Variants in FAM110B observed in about 807,000 individuals in gnomAD.
The protein encoded by FAM110B is protein FAM110B.
A neutral mutation model predicts 20.4 loss-of-function variants in FAM110B; 6 were observed. The ratio of observed to expected loss-of-function variants is 0.29; its 90% CI spans 0.16 to 0.58. The LOEUF (loss-of-function observed/expected upper bound fraction) is 0.58, where lower values mean the gene tolerates loss of function less well. FAM110B is among the 20% of genes least tolerant of loss of function. The pLI, the probability that FAM110B is intolerant of heterozygous loss-of-function variation, is 0.90. For missense variants in FAM110B, 434 were observed against 498.2 expected (o/e 0.87, Z 1.23); for synonymous variants, 226 against 214.1 (o/e 1.06, Z -0.49).
rs898290192 is a variant in FAM110B at position 57,997,346 on chromosome 8, C to T, written c.-512+2540C>T. 2.2e-4 allele frequency among the ~76,000 whole-genome samples: 33 copies of T among 152,192 alleles called. 1 individual carries two copies. Among genetic ancestry groups the T allele is most frequent in the Non-Finnish European group, 5.9e-5 (4 of 68,036 alleles). ...ACTTTATATGTTCAACATTTGTAGA[C>T]TATTGGCCATTTTTCTGTCTGAAAG... On this transcript the variant is annotated intron_variant, in intron 1 of 3. Coordinates refer to ENST00000519262, the MANE Select transcript of FAM110B (RefSeq NM_001377989.1).
chr8:58,026,437 G>T (rs1804857458), intron 1 of FAM110B, among the ~76,000 whole-genome samples: 1 of 151,816 alleles, frequency 6.6e-6, no homozygotes, highest in African/African-American at 2.4e-5. Context: ...TTATTATTTT[G>T]ATCTGCACTT....
At chr8:58,115,888 A>C (rs1807197099) in intron 3 of FAM110B, among the ~76,000 whole-genome samples, 1 of 152,218 alleles carries the variant, frequency 6.6e-6, no homozygotes, top group Non-Finnish European at 1.5e-5. Context: ...AGTGATGATA[A>C]TCTGGGATTT....
chr8:58,077,206 G>C (rs776900850), intron 3 of FAM110B: 18 of 152,168 alleles, frequency 1.2e-4, no homozygotes, highest in Non-Finnish European at 2.1e-4. Flanking sequence ...CAGCACTTGC[G>C]GAGCTGAGGT....
chr8:58,141,484 C>A (rs764066645), intron 3 of FAM110B, among the ~76,000 whole-genome samples: 17 of 152,154 alleles, frequency 1.1e-4, no homozygotes, highest in Non-Finnish European at 2.9e-5. Context: ...TCTTTCAATA[C>A]CCCCCTTTTC....
chr8:58,145,349 T>C, intron 3 of FAM110B, among the ~76,000 whole-genome samples: 1 of 151,956 alleles, frequency 6.6e-6, no homozygotes, highest in Non-Finnish European at 1.5e-5. Context: ...GTAGCTTTGC[T>C]GCCAATCCCA....
At chr8:58,003,074 A>C (rs1182135219) in intron 1 of FAM110B, among the ~76,000 whole-genome samples, 1 of 152,222 alleles carries the variant, frequency 6.6e-6, no homozygotes, top group East Asian at 1.9e-4. Flanking sequence ...CAACTAAGTT[A>C]TGTAATATTC....
chr8:58,025,748 A>G (rs1804842961), intron 1 of FAM110B, among the ~76,000 whole-genome samples: 1 of 152,166 alleles, frequency 6.6e-6, no homozygotes, highest in African/African-American at 2.4e-5. Flanking sequence ...GTCCATTCAG[A>G]TTTGAGATTG....
At chr8:58,079,810 T>G (rs1394531214) in intron 3 of FAM110B, among the ~76,000 whole-genome samples, 1 of 152,110 alleles carries the variant, frequency 6.6e-6, no homozygotes, top group African/African-American at 2.4e-5. Context: ...TTTGACATAT[T>G]AAAATTTTTT....
intron 1 of FAM110B, among the ~76,000 whole-genome samples, chr8:58,018,529 TTAGA>T (rs1207402099): frequency 2.0e-5 from 3 of 152,122 alleles, no homozygotes; most frequent in Admixed American, 6.6e-5. Context: ...TAGTGTACAG[TTAGA>T]TAGTGCTTTT....
intron 1 of FAM110B, among the ~76,000 whole-genome samples, chr8:58,025,789 T>C (rs924744781): frequency 6.6e-6 from 1 of 152,234 alleles, no homozygotes; most frequent in Non-Finnish European, 1.5e-5. Flanking sequence ...TATCATGAGC[T>C]GTATAACCTC....
intron 3 of FAM110B, among the ~76,000 whole-genome samples, chr8:58,101,260 A>G (rs908173009): frequency 6.6e-6 from 1 of 152,150 alleles, no homozygotes; most frequent in Non-Finnish European, 1.5e-5. Context: ...TGTAATTTTG[A>G]TCTTGTGTTT....
At chr8:58,133,706 C>T (rs1803543590) in intron 3 of FAM110B, among the ~76,000 whole-genome samples, 2 of 147,734 alleles carry the variant, frequency 1.4e-5, no homozygotes, top group Non-Finnish European at 3.0e-5. Context: ...ATAGAGGGGA[C>T]AGAGCCTGTG....
intron 3 of FAM110B, among the ~76,000 whole-genome samples, chr8:58,111,551 G>A (rs542929148): frequency 2.0e-5 from 3 of 152,064 alleles, no homozygotes; most frequent in Admixed American, 1.3e-4. Flanking sequence ...AGGTGTTTAT[G>A]TGTATTATAG....
intron 3 of FAM110B, among the ~76,000 whole-genome samples, chr8:58,078,462 G>A (rs190184808): frequency 6.7e-6 from 1 of 149,098 alleles, no homozygotes. Flanking sequence ...TTTGTTTCTT[G>A]TTATCTTATT....
At chr8:58,023,229 A>G (rs1042357968) in intron 1 of FAM110B, among the ~76,000 whole-genome samples, 18 of 152,150 alleles carry the variant, frequency 1.2e-4, no homozygotes, top group African/African-American at 3.6e-4. Context: ...ATAGATAGTC[A>G]TTTAAAAATA....
chr8:58,104,799 G>A (rs909149575), intron 3 of FAM110B, among the ~76,000 whole-genome samples: 2 of 152,052 alleles, frequency 1.3e-5, no homozygotes, highest in Non-Finnish European at 2.9e-5. Context: ...ATGACTCAGC[G>A]ATTTCTTAAA....
chr8:58,002,386 C>T (rs1804315259), intron 1 of FAM110B, among the ~76,000 whole-genome samples: 1 of 152,192 alleles, frequency 6.6e-6, no homozygotes, highest in African/African-American at 2.4e-5. Flanking sequence ...CACCAGGTAC[C>T]ACTTCTCTAA....
chr8:58,089,376 G>T (rs1446541034), intron 3 of FAM110B, among the ~76,000 whole-genome samples: 9 of 152,196 alleles, frequency 5.9e-5, no homozygotes, highest in African/African-American at 2.2e-4. Flanking sequence ...CTCTAATCTA[G>T]TTTTGTGGTT....
intron 3 of FAM110B, among the ~76,000 whole-genome samples, chr8:58,126,748 T>G (rs1465768204): frequency 6.6e-6 from 1 of 152,212 alleles, no homozygotes; most frequent in Admixed American, 6.5e-5. Context: ...ATTGGATTGT[T>G]TGGTTTTTTT....
Sources: allele counts gnomAD v4.1 joint callset (sites outside exome capture counted in the v4.1 genomes callset), GRCh38; gene constraint gnomAD v4.1.1; transcripts MANE v1.5; gene names NCBI Gene and HGNC (gene_info 2026-07-23, HGNC 2026-07-21).